RTEL1: variants seen among roughly 807,000 people sequenced by gnomAD.
RTEL1 encodes regulator of telomere elongation helicase 1.
RTEL1 carries 86 observed loss-of-function variants against 162.2 expected under a neutral mutation model. That is an observed-to-expected ratio of 0.53 (90% CI 0.45 to 0.63). The LOEUF is 0.63. Ranked by LOEUF, RTEL1 falls within the 30% of genes least tolerant of loss-of-function variation. RTEL1 has a pLI of 0.00. For missense variants in RTEL1, 1,941 were observed against 1,750.2 expected, an observed-to-expected ratio of 1.11 and a Z score of -1.95; for synonymous variants, 958 against 717.9, an observed-to-expected ratio of 1.33 and a Z score of -5.35.
Position 63,667,140 on chromosome 20 carries a change from A to T in RTEL1, c.615-329A>T, listed in dbSNP as rs561333445. ...AGGAGTGAGCCACCGCGCCCGGCCC[A>T]GCTCTGCTTTTTCTTAGTGGTTCTG... On this transcript the variant is annotated intron_variant, in intron 7 of 34. Coordinates refer to ENST00000360203, the MANE Select transcript of RTEL1 (RefSeq NM_001283009.2). Among the ~76,000 whole-genome samples, 13 of 152,228 alleles carry T rather than the reference A, an allele frequency of 8.5e-5. No homozygotes were observed. The South Asian group carries it at 2.1e-3, about 24-fold the overall frequency.
chr20:63,661,016 T>C lies in RTEL1; in HGVS notation c.103-282T>C, dbSNP rs2090009226. 2.0e-5 allele frequency among the ~76,000 whole-genome samples: 3 copies of C among 152,268 alleles called. No individual in the cohort carries two copies. The highest frequency in any genetic ancestry group is 7.2e-5 in the African/African-American group (3 of 41,476). Reference sequence around the variant, plus strand: ...GTTTCCTATTTTGAGACTTGACACCTAATTAGTCATCTTACTATTTAAGCT... The same window carrying C: ...GTTTCCTATTTTGAGACTTGACACCCAATTAGTCATCTTACTATTTAAGCT... On this transcript the variant is annotated intron_variant, in intron 2 of 34. Transcript: ENST00000360203. This position sits in a 1 kb window ranked among gnomAD's most constrained non-coding sequence, Gnocchi z 5.1.
intron 26 of RTEL1, 62 bp downstream of exon 26, chr20:63,690,503 G>A: frequency 9.7e-7 from 1 of 1,028,424 alleles, no homozygotes; most frequent in Non-Finnish European, 1.4e-6. Context: ...CGTGGGGCGG[G>A]CAGCACCAGG....
At chr20:63,679,811 C>A (rs369479092) in intron 12 of RTEL1, 38 bp from the exon 13 acceptor site, 1 of 1,533,178 alleles carries the variant, frequency 6.5e-7, no homozygotes, top group African/African-American at 1.4e-5. Context: ...AGTCTGGTCC[C>A]CCCGCCAGGC....
chr20:63,682,995 G>C (rs1488230788), intron 14 of RTEL1, among the ~76,000 whole-genome samples: 1 of 152,120 alleles, frequency 6.6e-6, no homozygotes, highest in Non-Finnish European at 1.5e-5. Context: ...AAAGGGTCTC[G>C]CTTTGTCACC....
chr20:63,694,951 C>G lies in RTEL1; in HGVS notation c.3320C>G (p.Pro1107Arg), dbSNP rs115264605. ...AVLAALTTAK[P>R]EDFPLLHRFS... The stretch of plus-strand genomic sequence containing the variant: ...TTGGCCGCCCTGACCACTGCAAAGC[C>G]AGAGGACTTCCCCCTGCTGCACAGC... Residue 1107 changes from proline to arginine, a missense_variant, in exon 32 of 35, where the codon CCA becomes CGA. Physicochemically the swap from Pro to Arg is moderately radical, Grantham distance 103 (BLOSUM62 -2). Transcript: ENST00000360203. 1.9e-5 allele frequency: 31 copies of G among 1,612,538 alleles called. 1 individual carries two copies. In the East Asian group the frequency reaches 6.2e-4, roughly 32 times the overall value.
intron 2 of RTEL1, 125 bp downstream of exon 2, chr20:63,659,629 A>C: frequency 1.3e-6 from 1 of 741,288 alleles, no homozygotes; most frequent in Non-Finnish European, 2.4e-6. Context: ...TCTGTCATAA[A>C]AAGGGCTGGT....
At chr20:63,660,040 A>G (rs556654270) in intron 2 of RTEL1, among the ~76,000 whole-genome samples, 3 of 152,232 alleles carry the variant, frequency 2.0e-5, no homozygotes, top group South Asian at 2.1e-4. Flanking sequence ...TCTCCACCCA[A>G]ACATCTCGGT....
intron 14 of RTEL1, chr20:63,682,405 C>A: frequency 1.0e-6 from 1 of 985,662 alleles, no homozygotes; most frequent in East Asian, 1.1e-4. Context: ...ACGCGGCCTC[C>A]CAGCCTCCCA....
At chr20:63,686,105 G>C in intron 16 of RTEL1, 2 of 580,578 alleles carry the variant, frequency 3.4e-6, no homozygotes, top group Non-Finnish European at 6.2e-6. Context: ...GAGTCACCTG[G>C]TTGGTGGTGG....
chr20:63,673,854 C>T (rs1201464089), intron 9 of RTEL1, 86 bp from the exon 10 acceptor site: 3 of 1,468,008 alleles, frequency 2.0e-6, no homozygotes, highest in East Asian at 2.3e-5. Context: ...GCCTCCTGTG[C>T]CTTCTGCACC....
intron 6 of RTEL1, among the ~76,000 whole-genome samples, chr20:63,665,640 G>A (rs12481186): frequency 0.057 from 8,720 of 152,196 alleles, 347 homozygotes; most frequent in Non-Finnish European, 0.086. Context: ...GGGTTGGGGC[G>A]ATAGGCTGAG....
intron 10 of RTEL1, 152 bp downstream of exon 10, chr20:63,674,245 C>A: frequency 7.2e-7 from 1 of 1,394,940 alleles, no homozygotes; most frequent in Non-Finnish European, 9.4e-7. Context: ...GGCAGCCTGC[C>A]CTGTGGCTGT....
rs534046818 is a variant in RTEL1, at chr20:63,693,223, T to C, written c.2932T>C (p.Tyr978His). ...CCAGCTGACAGGACGAGGCTGTGGC[T>C]ATCGGCCTGAGCACAGCATTCCCCG... ...CIQLTGRGCG[Y>H]RPEHSIPRRQ... Residue 978 changes from tyrosine (Y) to histidine (H), a missense_variant, in exon 30 of 35, where the codon TAT becomes CAT. Tyr to His is a moderately conservative substitution (Grantham distance 83). Transcript: ENST00000360203. The C allele has an allele frequency of 4.5e-5, 72 of 1,612,116 alleles. No homozygotes were observed. The South Asian group carries it at 7.2e-4, about 16-fold the overall frequency.
chr20:63,660,045 C>A (rs144357390), intron 2 of RTEL1, among the ~76,000 whole-genome samples: 2 of 152,198 alleles, frequency 1.3e-5, no homozygotes, highest in Non-Finnish European at 2.9e-5. Context: ...ACCCAAACAT[C>A]TCGGTGGAGT....
chr20:63,679,217 G>A (rs1327697323), intron 12 of RTEL1, among the ~76,000 whole-genome samples: 8 of 152,178 alleles, frequency 5.3e-5, no homozygotes, highest in Admixed American at 1.3e-4. Context: ...TCTCCTGAGC[G>A]CACAGCCGCC....
intron 31 of RTEL1, 69 bp from the exon 32 acceptor site, chr20:63,694,672 C>G (rs140513230): frequency 7.3e-7 from 1 of 1,377,640 alleles, no homozygotes; most frequent in Non-Finnish European, 9.8e-7. Flanking sequence ...GGAGGAAGGG[C>G]GGGCAGGGCG....
chr20:63,691,674 C>A (rs1466317520), intron 27 of RTEL1, 68 bp from the exon 28 acceptor site: 43 of 1,394,834 alleles, frequency 3.1e-5, no homozygotes, highest in Non-Finnish European at 4.0e-5. Context: ...CCTGTGCGTC[C>A]AGGTGCTTTG....
rs777209906 is a variant in RTEL1, at chr20:63,693,275, A to G, written c.2984A>G (p.Asp995Gly). The stretch of plus-strand genomic sequence containing the variant: ...AGGCAGCGGGCACAGCCGGTCCTGG[A>G]CCCCACTGGTAAATGGGGCCCCAGG... ...PRRQRAQPVL[D>G]PTGRTAPDPK... Residue 995 changes from aspartate to glycine, a missense_variant, in exon 30 of 35, where the codon GAC (aspartate) becomes GGC (glycine). Transcript: ENST00000360203. The G allele has an allele frequency of 1.2e-6, 2 of 1,611,642 alleles. No individual in the cohort carries two copies. Among genetic ancestry groups the G allele is most frequent in the Admixed American group, 1.7e-5 (1 of 59,938 alleles).
In RTEL1 at chr20:63,694,849, C is replaced by T; in HGVS notation, c.3218C>T (p.Ser1073Phe). The stretch of plus-strand genomic sequence containing the variant: ...GCTGATGCCCGCAGGGCCCTGGGGT[C>T]CGCGGGCTGTAGCCAACTCTTGGCA... ...YLADARRALG[S>F]AGCSQLLAAL... Residue 1073 changes from serine (S) to phenylalanine (F), a missense_variant, in exon 32 of 35, where the codon TCC becomes TTC. By Grantham distance (155) the Ser-to-Phe change is radical. Transcript: ENST00000360203. The T allele has an allele frequency of 6.2e-7, 1 of 1,612,626 alleles. No homozygotes were observed. The highest frequency in any genetic ancestry group is 1.3e-5 in the African/African-American group (1 of 75,060).
Sources: gnomAD v4.1 joint callset for allele counts (sites outside exome capture counted in the v4.1 genomes callset) on GRCh38, gnomAD v4.1.1 for gene constraint, Gnocchi (gnomAD v3.1) non-coding constraint, MANE v1.5 for transcripts, NCBI Gene and HGNC (gene_info 2026-07-23, HGNC 2026-07-21) for gene names.